Variants in GNAI2 observed in about 807,000 individuals in gnomAD.
The protein encoded by GNAI2 is guanine nucleotide-binding protein G(i) subunit alpha-2.
In GNAI2, 4 loss-of-function variants were observed where a neutral mutation model predicts 36.8. The observed-to-expected ratio is 0.11, with a 90% CI of 0.05 to 0.25. GNAI2 has a LOEUF of 0.25. GNAI2 is among the 10% of genes least tolerant of loss of function. The pLI, the probability that GNAI2 is intolerant of heterozygous loss-of-function variation, is 1.00. For missense variants in GNAI2, 230 were observed against 481.3 expected (o/e 0.48, Z 4.89); for synonymous variants, 194 against 194.1 (o/e 1.00, Z 0.01).
chr3:50,227,896 A>G (rs1235245046), upstream of GNAI2, among the ~76,000 whole-genome samples: 1 of 152,108 alleles, frequency 6.6e-6, no homozygotes, highest in Admixed American at 6.5e-5. The surrounding 1 kb of genome is among the most constrained non-coding windows in gnomAD (Gnocchi z 5.9). Context: ...GCTGGCCAAG[A>G]CCCAGGACAG....
rs1210363379 is a variant in GNAI2, at chr3:50,255,689, C to T, written c.465-503C>T. Among the ~76,000 whole-genome samples the T allele has an allele frequency of 1.3e-5, 2 of 152,048 alleles. No homozygotes were observed. The highest frequency in any genetic ancestry group is 1.5e-5 in the Non-Finnish European group (1 of 68,008). ...CATTCCCATTCTACAGGTGGGAGGC[C>T]GGGGGCTCTGAGTTCAGGTTTCTTC... is the stretch of plus-strand genomic sequence containing the variant. On this transcript the variant is annotated intron_variant, in intron 4 of 8. Transcript: ENST00000313601. The surrounding 1 kb of genome is among the most constrained non-coding windows in gnomAD (Gnocchi z 4.0).
At chr3:50,257,246 G>T (rs1700724044) in intron 7 of GNAI2, among the ~76,000 whole-genome samples, 156 bp downstream of exon 7, 1 of 152,184 alleles carries the variant, frequency 6.6e-6, no homozygotes, top group African/African-American at 2.4e-5. Context: ...GTATAGTTGT[G>T]TGTGCACACA....
chr3:50,251,490 C>T (rs1208291025), intron 1 of GNAI2: 17 of 1,109,020 alleles, frequency 1.5e-5, no homozygotes, highest in Non-Finnish European at 1.9e-5. Flanking sequence ...GTGTGTGTTA[C>T]ACTGTAGGTC....
chr3:50,251,161 G>T (rs587763800), intron 1 of GNAI2, among the ~76,000 whole-genome samples: 24 of 152,242 alleles, frequency 1.6e-4, no homozygotes, highest in African/African-American at 5.8e-4. Context: ...CAGGGTCTCA[G>T]CCACATTTTG....
At chr3:50,248,053 G>T (rs1700463203) in intron 1 of GNAI2, among the ~76,000 whole-genome samples, 1 of 152,260 alleles carries the variant, frequency 6.6e-6, no homozygotes, top group African/African-American at 2.4e-5. Context: ...TGGCCAACAT[G>T]GTGAAACCCT....
At chr3:50,256,634 C>T in intron 5 of GNAI2, 89 bp from the exon 6 acceptor site, 1 of 1,412,078 alleles carries the variant, frequency 7.1e-7, no homozygotes, top group Non-Finnish European at 9.9e-7. Context: ...TCTGGGCAGG[C>T]CTCTGTCCTC....
At chr3:50,249,203 G>A (rs782376305) in intron 1 of GNAI2, among the ~76,000 whole-genome samples, 6 of 152,128 alleles carry the variant, frequency 3.9e-5, no homozygotes, top group East Asian at 1.9e-4. Context: ...CCATGACTTC[G>A]CATCCTTGGC....
chr3:50,236,349 T>G lies in GNAI2; in HGVS notation c.14T>G (p.Val5Gly), dbSNP rs1032999153. MGCT[V>G]SAEDKAAAER... is the part of the protein sequence containing the mutation. Reference sequence around the variant, plus strand: ...GCGGACGGCGGGATGGGCTGCACCGTGAGCGCCGAGGACAAGGCGGCGGCC... The same window carrying G: ...GCGGACGGCGGGATGGGCTGCACCGGGAGCGCCGAGGACAAGGCGGCGGCC... The change falls in exon 1 of 9, where the codon GTG becomes GGG. Residue 5 changes from valine (V) to glycine (G), a missense_variant. Physicochemically the swap from Val to Gly is moderately radical, Grantham distance 109. This residue lies in a region of GNAI2 where 132 missense variants were observed against 247.4 expected (regional missense o/e 0.53). Coordinates refer to ENST00000313601, the MANE Select transcript of GNAI2 (RefSeq NM_002070.4). This position sits in a 1 kb window ranked among gnomAD's most constrained non-coding sequence, Gnocchi z 4.0. 17 of 1,519,512 alleles carry G rather than the reference T, an allele frequency of 1.1e-5. No individual in the cohort carries two copies. The highest frequency in any genetic ancestry group is 1.5e-5 in the Non-Finnish European group (17 of 1,142,450). The allele number at this position is 1,519,512 out of a possible 1,614,324, so 94.1% of individuals were successfully genotyped here.
At position 50,238,764 on chromosome 3, in the gene GNAI2, C is replaced by T. The variant is rs587635404; in HGVS notation, c.118+2311C>T. On this transcript the variant is annotated intron_variant, in intron 1 of 8. Transcript: ENST00000313601. The surrounding 1 kb of genome is among the most constrained non-coding windows in gnomAD (Gnocchi z 5.0). ...CTGGCTTGAGCCATGCCTTTCCCAT[C>T]CAGGTGCAAGGTGGTGATGGGAGCC... Among the ~76,000 whole-genome samples the T allele has an allele frequency of 8.5e-5, 13 of 152,336 alleles. No individual in the cohort carries two copies. Among genetic ancestry groups the T allele is most frequent in the African/African-American group, 3.1e-4 (13 of 41,584 alleles).
intron 1 of GNAI2, chr3:50,231,071 A>C: frequency 3.1e-6 from 1 of 323,942 alleles, no homozygotes; most frequent in Non-Finnish European, 4.4e-6. Context: ...CAGACCTACC[A>C]CCCTACCTTT....
rs367711490 is a variant in GNAI2 at position 50,242,551 on chromosome 3, G to A, written c.118+6098G>A. On this transcript the variant is annotated intron_variant, in intron 1 of 8. Coordinates refer to ENST00000313601, the MANE Select transcript of GNAI2 (RefSeq NM_002070.4). The surrounding 1 kb of genome is among the most constrained non-coding windows in gnomAD (Gnocchi z 4.8). ...AGCTACAGGTGCAGGGTGGAACCCC[G>A]TCTGCCCAGCCCCACCCAGCCCTTC... Among the ~76,000 whole-genome samples, 59 of 152,114 alleles carry A rather than the reference G, an allele frequency of 3.9e-4. No individual in the cohort carries two copies. Among genetic ancestry groups the A allele is most frequent in the Non-Finnish European group, 7.2e-4 (49 of 67,994 alleles).
chr3:50,257,413 G>T (rs1034137601), intron 7 of GNAI2, 87 bp from the exon 8 acceptor site: 12 of 866,202 alleles, frequency 1.4e-5, no homozygotes, highest in Non-Finnish European at 2.1e-5. Flanking sequence ...ATGCCTGGCC[G>T]TCCACACGCA....
rs587716994 is a variant in GNAI2 at position 50,253,263 on chromosome 3, C to G, written c.464+79C>G. 9.5e-5 allele frequency: 110 copies of G among 1,161,264 alleles called. No homozygotes were observed. The South Asian group carries it at 1.6e-3, about 17-fold the overall frequency. The allele number at this position is 1,161,264 out of a possible 1,614,324, so 71.9% of individuals were successfully genotyped here. A position where few individuals can be genotyped will look rare whatever the true frequency, so the allele number is the denominator to read the frequency against. On this transcript the variant is annotated intron_variant, in intron 4 of 8. Coordinates refer to ENST00000313601, the MANE Select transcript of GNAI2 (RefSeq NM_002070.4). The surrounding 1 kb of genome is among the most constrained non-coding windows in gnomAD (Gnocchi z 4.2). ...AGGCTGGACCGGAGGGCCTGAGAACCCCCAGAAGGACACTGCTGGTCTTTG... is the reference window on the plus strand; with the variant it reads ...AGGCTGGACCGGAGGGCCTGAGAACGCCCAGAAGGACACTGCTGGTCTTTG...
rs1575437845 is a variant in GNAI2 at position 50,236,301 on chromosome 3, G to T, written c.-35G>T. 5 of 1,330,648 alleles carry T rather than the reference G, an allele frequency of 3.8e-6. No homozygotes were observed. In the East Asian group the frequency reaches 1.6e-4, roughly 43 times the overall value. The allele number at this position is 1,330,648 out of a possible 1,614,324, so 82.4% of individuals were successfully genotyped here. On this transcript the variant is annotated 5_prime_UTR_variant, in exon 1 of 9. Transcript: ENST00000313601. This position sits in a 1 kb window ranked among gnomAD's most constrained non-coding sequence, Gnocchi z 4.0. ...GCCGAGCCGGGCCGTGGGCCGTGTG[G>T]GGGCCGGGCGGCGGCCGGGCCGGCG...
upstream of GNAI2, among the ~76,000 whole-genome samples, chr3:50,235,508 T>TG (rs1700143330): frequency 6.6e-6 from 1 of 151,926 alleles, no homozygotes; most frequent in Non-Finnish European, 1.5e-5. Context: ...TTAGTAGAGA[T>TG]GGGGTTTCAC....
intron 1 of GNAI2, chr3:50,251,859 C>CA: frequency 8.6e-7 from 1 of 1,159,346 alleles, no homozygotes; most frequent in Non-Finnish European, 1.2e-6. Flanking sequence ...TTGTGGGAGG[C>CA]AAAGGCCTGC....
At chr3:50,254,742 C>T (rs1164778782) in intron 4 of GNAI2, among the ~76,000 whole-genome samples, 1 of 152,244 alleles carries the variant, frequency 6.6e-6, no homozygotes, top group Admixed American at 6.5e-5. Flanking sequence ...TCTCCATCAT[C>T]CTCTTTCTCT....
upstream of GNAI2, among the ~76,000 whole-genome samples, chr3:50,232,880 T>C (rs1223404201): frequency 7.1e-6 from 1 of 139,932 alleles, no homozygotes; most frequent in Non-Finnish European, 1.6e-5. Flanking sequence ...GTCATTGCTG[T>C]GGCTGGTGGG....
chr3:50,256,594 GT>G, intron 5 of GNAI2, 128 bp from the exon 6 acceptor site: 1 of 1,021,768 alleles, frequency 9.8e-7, no homozygotes, highest in South Asian at 1.5e-5. Flanking sequence ...GTGGGCAAGT[GT>G]GGATGATTCC....
Sources: gnomAD v4.1 joint callset for allele counts (sites outside exome capture counted in the v4.1 genomes callset) on GRCh38, gnomAD v4.1.1 for gene constraint, gnomAD v4.1.1 regional missense constraint, Gnocchi (gnomAD v3.1) non-coding constraint, MANE v1.5 for transcripts, NCBI Gene and HGNC (gene_info 2026-07-23, HGNC 2026-07-21) for gene names.